The following BACE2 variants were observed in gnomAD, a reference collection of about 807,000 sequenced individuals.
The protein encoded by BACE2 is 56 kDa aspartic-like protease.
Under a neutral mutation model 46.2 loss-of-function variants are expected in BACE2, and 17 were observed. The ratio of observed to expected loss-of-function variants is 0.37; its 90% CI spans 0.25 to 0.55. The LOEUF is 0.55. Among genes scored for constraint, BACE2 ranks in the 20% least tolerant of loss-of-function variants. The pLI, the probability that BACE2 is intolerant of heterozygous loss-of-function variation, is 0.82. For missense variants in BACE2, 595 were observed against 698.1 expected (o/e 0.85, Z 1.66); for synonymous variants, 277 against 295.9 (o/e 0.94, Z 0.66).
chr21:41,242,486 A>G (rs1056126462), intron 4 of BACE2, among the ~76,000 whole-genome samples: 1 of 152,144 alleles, frequency 6.6e-6, no homozygotes, highest in Non-Finnish European at 1.5e-5. Context: ...CGTCAAAAGT[A>G]GTAGGGGACA....
intron 1 of BACE2, among the ~76,000 whole-genome samples, chr21:41,194,706 A>T (rs1427956048): frequency 6.6e-6 from 1 of 152,204 alleles, no homozygotes; most frequent in African/African-American, 2.4e-5. Context: ...GGCTTCCTTT[A>T]CATATTTGAG....
chr21:41,252,905 A>T (rs1012803196), intron 7 of BACE2, among the ~76,000 whole-genome samples: 1 of 149,084 alleles, frequency 6.7e-6, no homozygotes, highest in Non-Finnish European at 1.5e-5. Context: ...GGAGAAATTC[A>T]GGCCGACAGG....
At chr21:41,256,511 C>T (rs1987791922) in intron 7 of BACE2, among the ~76,000 whole-genome samples, 1 of 152,206 alleles carries the variant, frequency 6.6e-6, no homozygotes, top group African/African-American at 2.4e-5. Flanking sequence ...CTCTTTTCTT[C>T]ACAGCCTGCT....
intron 1 of BACE2, 80 bp downstream of exon 1, chr21:41,168,655 T>G: frequency 8.8e-7 from 1 of 1,136,298 alleles, no homozygotes; most frequent in Non-Finnish European, 1.1e-6. Context: ...TCCACGCGGC[T>G]TAGCGTCGCC....
chr21:41,194,932 G>A (rs897558807), intron 1 of BACE2, among the ~76,000 whole-genome samples: 2 of 152,190 alleles, frequency 1.3e-5, no homozygotes, highest in African/African-American at 4.8e-5. Flanking sequence ...GGCAGGCAGG[G>A]CACTTATTTC....
intron 1 of BACE2, among the ~76,000 whole-genome samples, chr21:41,202,489 G>A (rs1985994637): frequency 6.6e-6 from 1 of 152,214 alleles, no homozygotes; most frequent in Admixed American, 6.5e-5. Flanking sequence ...TAGGGGATGG[G>A]AAGTATTCAG....
intron 1 of BACE2, among the ~76,000 whole-genome samples, chr21:41,202,870 T>C (rs1393493237): frequency 6.6e-6 from 1 of 152,160 alleles, no homozygotes; most frequent in African/African-American, 2.4e-5. Flanking sequence ...ATTTTTTAAG[T>C]GTCTGAGGTG....
At chr21:41,204,056 G>A (rs928035869) in intron 1 of BACE2, among the ~76,000 whole-genome samples, 3 of 152,130 alleles carry the variant, frequency 2.0e-5, no homozygotes, top group Non-Finnish European at 4.4e-5. Flanking sequence ...GTGGGGTGAA[G>A]CCCAGGCTGG....
At chr21:41,202,499 G>A (rs1985994984) in intron 1 of BACE2, among the ~76,000 whole-genome samples, 1 of 152,218 alleles carries the variant, frequency 6.6e-6, no homozygotes, top group Non-Finnish European at 1.5e-5. Context: ...GAAGTATTCA[G>A]CCAACTGGAC....
At chr21:41,266,675 A>C (rs1988075566) in intron 8 of BACE2, among the ~76,000 whole-genome samples, 1 of 152,134 alleles carries the variant, frequency 6.6e-6, no homozygotes, top group Non-Finnish European at 1.5e-5. Context: ...TCCTTTCACC[A>C]ATGGGCAAGG....
intron 8 of BACE2, among the ~76,000 whole-genome samples, chr21:41,261,417 T>A (rs1421516602): frequency 1.3e-5 from 2 of 152,204 alleles, no homozygotes; most frequent in East Asian, 3.8e-4. Context: ...TGAATTTTTC[T>A]ACTAATATAG....
Position 41,276,993 on chromosome 21 carries a change from C to T in BACE2, c.*1369C>T, listed in dbSNP as rs1321995218. ...GTGGAAGCCGTTTCCTTGACATAGC[C>T]TTATATGACCTGATGTCATTAGGAG... On this transcript the variant is annotated 3_prime_UTR_variant, in exon 9 of 9. Coordinates refer to ENST00000330333, the MANE Select transcript of BACE2 (RefSeq NM_012105.5). 2.0e-5 allele frequency: 3 copies of T among 152,078 alleles called. No homozygotes were observed. The highest frequency in any genetic ancestry group is 7.2e-5 in the African/African-American group (3 of 41,404). 9.4% of individuals were successfully genotyped at this position (152,078 alleles called of 1,614,324 possible). A position where few individuals can be genotyped will look rare whatever the true frequency, so the allele number is the denominator to read the frequency against.
At chr21:41,240,603 GCTTTA>G (rs1987258162) in intron 3 of BACE2, among the ~76,000 whole-genome samples, 1 of 152,222 alleles carries the variant, frequency 6.6e-6, no homozygotes, top group South Asian at 2.1e-4. Flanking sequence ...TGTTTGCTTT[GCTTTA>G]CCGCCTCTCA....
Position 41,270,538 on chromosome 21 carries a change from G to A in BACE2, c.1304-4833G>A, listed in dbSNP as rs529162670. ...CTCAAGTGATCCTCCTACCACCGTC[G>A]CCTAAAGTGCTGGGATTATAGGCAT... On this transcript the variant is annotated intron_variant, in intron 8 of 8. Coordinates refer to ENST00000330333, the MANE Select transcript of BACE2 (RefSeq NM_012105.5). 2.0e-5 allele frequency among the ~76,000 whole-genome samples: 3 copies of A among 152,072 alleles called. No homozygotes were observed. In the South Asian group the frequency reaches 6.2e-4, roughly 32 times the overall value.
In BACE2 at chr21:41,237,584, T is replaced by C. The variant is rs748660468; in HGVS notation, c.473T>C (p.Val158Ala). Residue 158 changes from valine (V) to alanine (A), a missense_variant, in exon 3 of 9, where the codon GTT (valine) becomes GCT (alanine). By Grantham distance (64) the Val-to-Ala change is moderately conservative. Transcript: ENST00000330333. ...KYTQGSWTGFVGEDLVTIPKG... is the reference protein window; with the variant it reads ...KYTQGSWTGFAGEDLVTIPKG... The stretch of plus-strand genomic sequence containing the variant: ...ACACAAGGAAGCTGGACGGGCTTCG[T>C]TGGGGAAGACCTCGTCACCATCCCC... The C allele has an allele frequency of 3.7e-6, 6 of 1,614,228 alleles. No individual in the cohort carries two copies. The highest frequency in any genetic ancestry group is 3.3e-5 in the South Asian group (3 of 91,072).
chr21:41,228,580 C>T (rs1490719448), intron 2 of BACE2, among the ~76,000 whole-genome samples: 3 of 152,098 alleles, frequency 2.0e-5, no homozygotes, highest in East Asian at 1.9e-4. Flanking sequence ...AGGGGAAGGA[C>T]GTGCCAGACT....
intron 1 of BACE2, chr21:41,186,056 G>T (rs1985363047): frequency 1.3e-5 from 2 of 152,362 alleles, no homozygotes; most frequent in South Asian, 4.1e-4. Context: ...TGGCAAGAAT[G>T]TGCTTCAAGG....
chr21:41,199,989 T>C (rs975867613), intron 1 of BACE2, among the ~76,000 whole-genome samples: 3 of 134,608 alleles, frequency 2.2e-5, no homozygotes, highest in Non-Finnish European at 4.6e-5. Flanking sequence ...ACATGAACAA[T>C]GAGAACACAT....
intron 8 of BACE2, among the ~76,000 whole-genome samples, chr21:41,258,464 A>G (rs1440137332): frequency 6.6e-6 from 1 of 152,212 alleles, no homozygotes; most frequent in Admixed American, 6.5e-5. Flanking sequence ...AGGATGAGGT[A>G]CACAGGCAAA....
Sources: allele counts gnomAD v4.1 joint callset (sites outside exome capture counted in the v4.1 genomes callset), GRCh38; gene constraint gnomAD v4.1.1; transcripts MANE v1.5; gene names NCBI Gene and HGNC (gene_info 2026-07-23, HGNC 2026-07-21).